FNIP1: variants seen among roughly 807,000 people sequenced by gnomAD.
The protein encoded by FNIP1 is folliculin interacting protein 1.
FNIP1 carries 40 observed loss-of-function variants against 124.5 expected under a neutral mutation model. The ratio of observed to expected loss-of-function variants is 0.32; its 90% CI spans 0.25 to 0.42. The LOEUF (loss-of-function observed/expected upper bound fraction) is 0.42, where lower values mean the gene tolerates loss of function less well. Among genes scored for constraint, FNIP1 ranks in the 10% least tolerant of loss-of-function variants. FNIP1 has a pLI of 1.00. For synonymous variants in FNIP1, 472 were observed against 470.6 expected (o/e 1.00, Z -0.04); for missense variants, 1,176 against 1,403.7 (o/e 0.84, Z 2.59).
chr5:131,652,698 A>G (rs2149504581), intron 15 of FNIP1, among the ~76,000 whole-genome samples: 1 of 152,298 alleles, frequency 6.6e-6, no homozygotes, highest in African/African-American at 2.4e-5. Context: ...CATGGTTCAC[A>G]TCTATATAAT....
At chr5:131,674,133 C>T (rs1235371050) in intron 13 of FNIP1, among the ~76,000 whole-genome samples, 1 of 152,056 alleles carries the variant, frequency 6.6e-6, no homozygotes, top group African/African-American at 2.4e-5. Context: ...AGCACCCCAC[C>T]CCACCAGCTC....
intron 1 of FNIP1, among the ~76,000 whole-genome samples, chr5:131,768,626 AT>A: frequency 6.6e-6 from 1 of 152,172 alleles, no homozygotes; most frequent in Non-Finnish European, 1.5e-5. Context: ...CCTGGCCACC[AT>A]GGTGAAGCCC....
intron 11 of FNIP1, among the ~76,000 whole-genome samples, chr5:131,693,305 T>TATATAC (rs1554094446): frequency 9.1e-4 from 27 of 29,792 alleles, no homozygotes; most frequent in African/African-American, 2.7e-3. Context: ...TACATATATA[T>TATATAC]ATATATATAT....
intron 1 of FNIP1, among the ~76,000 whole-genome samples, chr5:131,772,539 C>T (rs185344589): frequency 1.4e-4 from 21 of 152,144 alleles, no homozygotes; most frequent in Non-Finnish European, 2.8e-4. Context: ...CTCAGCCTAC[C>T]TCAAACTTAC....
At chr5:131,758,244 G>C (rs1020194385) in intron 1 of FNIP1, among the ~76,000 whole-genome samples, 1 of 152,152 alleles carries the variant, frequency 6.6e-6, no homozygotes, top group Non-Finnish European at 1.5e-5. Flanking sequence ...AAGAAGTGAA[G>C]GAGAAGCAAA....
chr5:131,682,452 CTCACAT>C (rs1414720342), intron 11 of FNIP1, among the ~76,000 whole-genome samples: 1 of 151,986 alleles, frequency 6.6e-6, no homozygotes, highest in African/African-American at 2.4e-5. Flanking sequence ...GGTGCGGTGG[CTCACAT>C]CTATAATCCC....
At chr5:131,674,651 G>C (rs1767860146) in intron 13 of FNIP1, among the ~76,000 whole-genome samples, 1 of 152,102 alleles carries the variant, frequency 6.6e-6, no homozygotes, top group South Asian at 2.1e-4. Flanking sequence ...CCAGGAAGTT[G>C]AGGCTGCAGT....
chr5:131,782,612 G>T (rs1219375184), intron 1 of FNIP1, among the ~76,000 whole-genome samples: 1 of 147,810 alleles, frequency 6.8e-6, no homozygotes, highest in Non-Finnish European at 1.5e-5. Context: ...GGAAGGGAGG[G>T]AGGGAGGGAG....
At chr5:131,742,133 G>T (rs1164041749) in intron 2 of FNIP1, among the ~76,000 whole-genome samples, 1 of 152,166 alleles carries the variant, frequency 6.6e-6, no homozygotes, top group African/African-American at 2.4e-5. Flanking sequence ...GCGACATTAT[G>T]TTCTAATTTT....
chr5:131,786,903 AGCACATACT>A (rs1325163435), intron 1 of FNIP1, among the ~76,000 whole-genome samples: 1 of 152,224 alleles, frequency 6.6e-6, no homozygotes, highest in Non-Finnish European at 1.5e-5. Flanking sequence ...CTGTTATAAC[AGCACATACT>A]GAACTAAAGC....
At chr5:131,734,980 A>G (rs973906195) in intron 2 of FNIP1, among the ~76,000 whole-genome samples, 85 of 152,214 alleles carry the variant, frequency 5.6e-4, no homozygotes, top group Admixed American at 1.3e-3. Context: ...AAGGAATATA[A>G]ATCATGCTGC....
chr5:131,762,292 T>C (rs1771257386), intron 1 of FNIP1, among the ~76,000 whole-genome samples: 1 of 152,024 alleles, frequency 6.6e-6, no homozygotes, highest in Non-Finnish European at 1.5e-5. Context: ...AGGGAAACAA[T>C]CAACAAAGTG....
intron 1 of FNIP1, among the ~76,000 whole-genome samples, chr5:131,766,218 G>A (rs1169366345): frequency 2.0e-5 from 3 of 151,656 alleles, no homozygotes; most frequent in African/African-American, 7.3e-5. Flanking sequence ...TCCAAGTAGT[G>A]AGGACTACAG....
chr5:131,655,493 A>G (rs530356477), intron 15 of FNIP1, among the ~76,000 whole-genome samples: 12 of 152,334 alleles, frequency 7.9e-5, no homozygotes, highest in African/African-American at 2.4e-4. Flanking sequence ...AAATGTTAAC[A>G]AATGTATAGT....
chr5:131,785,079 CATATATATATGATATATATGACTA>C (rs1561707670), intron 1 of FNIP1, among the ~76,000 whole-genome samples: 163 of 12,406 alleles, frequency 0.013, 11 homozygotes, highest in African/African-American at 0.032. Context: ...ATATATATGA[CATATATATATGATATATATGACTA>C]TATATATATC....
intron 1 of FNIP1, among the ~76,000 whole-genome samples, chr5:131,783,323 T>C (rs1049542313): frequency 6.6e-6 from 1 of 151,896 alleles, no homozygotes; most frequent in Non-Finnish European, 1.5e-5. Context: ...GGAATAAGAA[T>C]GAGCTCTTGG....
intron 15 of FNIP1, among the ~76,000 whole-genome samples, chr5:131,657,397 A>T (rs1195614266): frequency 6.6e-6 from 1 of 152,144 alleles, no homozygotes; most frequent in African/African-American, 2.4e-5. Context: ...GGCCACCCAG[A>T]ACCCTATGAG....
intron 11 of FNIP1, among the ~76,000 whole-genome samples, chr5:131,694,337 G>A (rs1173095262): frequency 6.6e-6 from 1 of 152,110 alleles, no homozygotes; most frequent in Non-Finnish European, 1.5e-5. Flanking sequence ...ATAGGTGAAT[G>A]AAAATGAATA....
intron 6 of FNIP1, among the ~76,000 whole-genome samples, chr5:131,711,505 C>CT (rs941476709): frequency 6.6e-6 from 1 of 152,112 alleles, no homozygotes; most frequent in African/African-American, 2.4e-5. Flanking sequence ...TTCTTCTTTC[C>CT]TTTTTTGAAA....
Sources: allele counts gnomAD v4.1 joint callset (sites outside exome capture counted in the v4.1 genomes callset), GRCh38; gene constraint gnomAD v4.1.1; transcripts MANE v1.5; gene names NCBI Gene and HGNC (gene_info 2026-07-23, HGNC 2026-07-21).